Variants in RPS6KC1 observed in about 807,000 individuals in gnomAD.
RPS6KC1 encodes the protein ribosomal protein S6 kinase C1, also known as inactive ribosomal protein S6 kinase delta-1.
In RPS6KC1, 54 loss-of-function variants were observed where a neutral mutation model predicts 103.8. That is an observed-to-expected ratio of 0.52 (90% CI 0.42 to 0.65). The LOEUF (loss-of-function observed/expected upper bound fraction) is 0.65, where lower values mean the gene tolerates loss of function less well. Among genes scored for constraint, RPS6KC1 ranks in the 30% least tolerant of loss-of-function variants. RPS6KC1 has a pLI of 0.00. For missense variants in RPS6KC1, 1,151 were observed against 1,253.8 expected (o/e 0.92, Z 1.24); for synonymous variants, 439 against 438.7 (o/e 1.00, Z -0.01).
the RPS6KC1 span, among the ~76,000 whole-genome samples, chr1:213,360,328 C>T: frequency 6.6e-6 from 1 of 152,174 alleles, no homozygotes; most frequent in East Asian, 1.9e-4. Context: ...CACAGATACC[C>T]TTTCTTCCAG....
At chr1:213,145,370 A>G (rs933401698) in intron 6 of RPS6KC1, among the ~76,000 whole-genome samples, 1 of 152,116 alleles carries the variant, frequency 6.6e-6, no homozygotes, top group African/African-American at 2.4e-5. Context: ...TAGAGTTTGT[A>G]GTTAGAGCTT....
chr1:213,506,597 A>G, the RPS6KC1 span, among the ~76,000 whole-genome samples: 1 of 152,226 alleles, frequency 6.6e-6, no homozygotes, highest in African/African-American at 2.4e-5. Context: ...GTCACTAAAA[A>G]AGGAGTGAGA....
chr1:213,052,617 C>G (rs939619501), intron 1 of RPS6KC1, among the ~76,000 whole-genome samples: 1 of 151,936 alleles, frequency 6.6e-6, no homozygotes, highest in Non-Finnish European at 1.5e-5. Flanking sequence ...CTCTGCTCAC[C>G]GCAACCTCTG....
chr1:213,616,410 T>C, the RPS6KC1 span, among the ~76,000 whole-genome samples: 1 of 152,078 alleles, frequency 6.6e-6, no homozygotes, highest in East Asian at 1.9e-4. Context: ...ACCACTGCGG[T>C]GGGCACCGCT....
chr1:213,677,810 A>G, the RPS6KC1 span, among the ~76,000 whole-genome samples: 1 of 152,246 alleles, frequency 6.6e-6, no homozygotes, highest in Admixed American at 6.5e-5. Flanking sequence ...GTTCGAGACC[A>G]GCCTGGCCAA....
intron 3 of RPS6KC1, among the ~76,000 whole-genome samples, chr1:213,091,942 A>C (rs184482274): frequency 2.0e-5 from 3 of 149,438 alleles, no homozygotes; most frequent in Admixed American, 1.3e-4. Context: ...ATTCTAAATG[A>C]AACTGGCATT....
chr1:213,138,025 C>G (rs1292187057), intron 6 of RPS6KC1, among the ~76,000 whole-genome samples: 1 of 151,180 alleles, frequency 6.6e-6, no homozygotes, highest in Non-Finnish European at 1.5e-5. Context: ...TATTTGTGCT[C>G]TTGATTTTTT....
At chr1:213,443,539 T>C in the RPS6KC1 span, among the ~76,000 whole-genome samples, 1 of 152,158 alleles carries the variant, frequency 6.6e-6, no homozygotes, top group Admixed American at 6.5e-5. Context: ...TATGGAAACG[T>C]GCTGGGCTGG....
At chr1:213,088,894 C>T (rs548274993) in intron 3 of RPS6KC1, among the ~76,000 whole-genome samples, 10 of 152,216 alleles carry the variant, frequency 6.6e-5, no homozygotes, top group Admixed American at 5.2e-4. Flanking sequence ...TTCCTCAGTA[C>T]GTTTTACATT....
chr1:213,078,546 C>A (rs1025641692), intron 3 of RPS6KC1, among the ~76,000 whole-genome samples: 1 of 152,010 alleles, frequency 6.6e-6, no homozygotes, highest in Non-Finnish European at 1.5e-5. Context: ...GGATTACAGG[C>A]GTCTGCCACC....
chr1:213,586,611 T>G, the RPS6KC1 span, among the ~76,000 whole-genome samples: 1 of 147,836 alleles, frequency 6.8e-6, no homozygotes. Context: ...GACTCCAACT[T>G]AAAAGAGTGA....
At chr1:213,563,173 A>G in the RPS6KC1 span, among the ~76,000 whole-genome samples, 1 of 152,050 alleles carries the variant, frequency 6.6e-6, no homozygotes, top group East Asian at 1.9e-4. Flanking sequence ...GGCATTTGCA[A>G]TTGTCTTATT....
intron 12 of RPS6KC1, among the ~76,000 whole-genome samples, chr1:213,259,771 T>C (rs1455581033): frequency 7.4e-6 from 1 of 135,854 alleles, no homozygotes; most frequent in East Asian, 2.4e-4. Flanking sequence ...GGAGTTTTGC[T>C]CTTGTTGCCC....
the RPS6KC1 span, among the ~76,000 whole-genome samples, chr1:213,423,841 C>T: frequency 2.0e-5 from 3 of 152,212 alleles, no homozygotes; most frequent in Admixed American, 1.3e-4. Context: ...GAATAGCGAG[C>T]TCAAGAGCTC....
chr1:213,257,188 C>T (rs75724199), intron 12 of RPS6KC1, among the ~76,000 whole-genome samples: 3,372 of 152,232 alleles, frequency 0.022, 122 homozygotes, highest in African/African-American at 0.077. Flanking sequence ...ATCTGGGGTG[C>T]GTGTTCCCTG....
At chr1:213,222,278 G>A (rs1435745742) in intron 8 of RPS6KC1, among the ~76,000 whole-genome samples, 1 of 152,116 alleles carries the variant, frequency 6.6e-6, no homozygotes, top group Non-Finnish European at 1.5e-5. Context: ...TAAATCTTGG[G>A]TACCTTATAT....
chr1:213,680,710 A>G, the RPS6KC1 span, among the ~76,000 whole-genome samples: 3 of 152,142 alleles, frequency 2.0e-5, no homozygotes, highest in Non-Finnish European at 4.4e-5. Context: ...TGGACTGAAT[A>G]TATCTTCCAA....
chr1:213,729,957 T>C, the RPS6KC1 span, among the ~76,000 whole-genome samples: 148 of 152,256 alleles, frequency 9.7e-4, 1 homozygote, highest in African/African-American at 3.4e-3. Context: ...CCAGTGTCTG[T>C]TGTTCCCCTG....
At chr1:213,331,903 C>G in the RPS6KC1 span, among the ~76,000 whole-genome samples, 1 of 152,086 alleles carries the variant, frequency 6.6e-6, no homozygotes, top group Admixed American at 6.5e-5. Context: ...TCTTTTTACT[C>G]TCCTCTCCAT....
Sources: gnomAD v4.1 joint callset for allele counts (sites outside exome capture counted in the v4.1 genomes callset) on GRCh38, gnomAD v4.1.1 for gene constraint, MANE v1.5 for transcripts, NCBI Gene and HGNC (gene_info 2026-07-23, HGNC 2026-07-21) for gene names.